The following PRELID2 variants were observed in gnomAD, a reference collection of about 807,000 sequenced individuals.
PRELID2 encodes the protein PRELI domain-containing protein 2.
PRELID2 carries 25 observed loss-of-function variants against 28.4 expected under a neutral mutation model. The ratio of observed to expected loss-of-function variants is 0.88; its 90% CI spans 0.64 to 1.23. The LOEUF (loss-of-function observed/expected upper bound fraction) is 1.23. PRELID2 is among the 50% of genes most tolerant of loss of function. The pLI is 0.00. For missense variants in PRELID2, 201 were observed against 214.4 expected, an observed-to-expected ratio of 0.94 and a Z score of 0.39; for synonymous variants, 76 against 71.6, an observed-to-expected ratio of 1.06 and a Z score of -0.31.
chr5:145,346,855 C>T, the PRELID2 span, among the ~76,000 whole-genome samples: 1 of 152,114 alleles, frequency 6.6e-6, no homozygotes, highest in African/African-American at 2.4e-5. Context: ...AAAGGAAGAA[C>T]ATCCATTTTA....
chr5:145,416,181 G>A, the PRELID2 span, among the ~76,000 whole-genome samples: 3 of 151,948 alleles, frequency 2.0e-5, no homozygotes, highest in Non-Finnish European at 4.4e-5. Context: ...CTGGATATTA[G>A]CCCTTTGTCA....
chr5:145,652,469 T>A (rs906642485), intron 1 of PRELID2, among the ~76,000 whole-genome samples: 4 of 152,038 alleles, frequency 2.6e-5, no homozygotes, highest in South Asian at 2.1e-4. Context: ...AAAGTTGCAA[T>A]GAAGGAAAAA....
At chr5:145,382,348 T>G in the PRELID2 span, among the ~76,000 whole-genome samples, 1 of 151,974 alleles carries the variant, frequency 6.6e-6, no homozygotes, top group Non-Finnish European at 1.5e-5. Context: ...AAATAGTTAA[T>G]CAATTAATAG....
the PRELID2 span, among the ~76,000 whole-genome samples, chr5:145,240,707 T>A: frequency 6.6e-6 from 1 of 152,042 alleles, no homozygotes; most frequent in Non-Finnish European, 1.5e-5. Flanking sequence ...AAATCCCATT[T>A]TAAAGGCTCC....
the PRELID2 span, among the ~76,000 whole-genome samples, chr5:145,275,823 C>T: frequency 3.4e-3 from 524 of 152,236 alleles, 1 homozygote; most frequent in African/African-American, 0.012. Context: ...CTGCCTCTAC[C>T]ACTTACCAGC....
intron 1 of PRELID2, among the ~76,000 whole-genome samples, chr5:145,676,389 A>C (rs1754818672): frequency 6.6e-6 from 1 of 151,998 alleles, no homozygotes; most frequent in South Asian, 2.1e-4. Context: ...AATACAAAAA[A>C]TTATCAAGGC....
chr5:145,683,487 G>T, intron 1 of PRELID2, among the ~76,000 whole-genome samples: 1 of 152,162 alleles, frequency 6.6e-6, no homozygotes, highest in Non-Finnish European at 1.5e-5. Context: ...ATGTCAGGAT[G>T]TTTGGTTTCT....
chr5:145,448,342 G>A, the PRELID2 span, among the ~76,000 whole-genome samples: 3 of 151,868 alleles, frequency 2.0e-5, no homozygotes, highest in Admixed American at 2.0e-4. Context: ...TTGTAAATTT[G>A]TTTGAGTTCA....
chr5:145,343,905 A>T, the PRELID2 span, among the ~76,000 whole-genome samples: 1 of 152,140 alleles, frequency 6.6e-6, no homozygotes, highest in South Asian at 2.1e-4. Flanking sequence ...ACAGACTGAA[A>T]ACCTAGGGGG....
intron 1 of PRELID2, among the ~76,000 whole-genome samples, chr5:145,720,489 G>T (rs933645549): frequency 1.3e-5 from 2 of 151,850 alleles, no homozygotes; most frequent in Non-Finnish European, 2.9e-5. Context: ...GTGAACCAAA[G>T]ATTTTATATT....
the PRELID2 span, among the ~76,000 whole-genome samples, chr5:145,272,758 T>C: frequency 1.3e-5 from 2 of 152,320 alleles, no homozygotes; most frequent in East Asian, 1.9e-4. Flanking sequence ...AGACCATTGA[T>C]AGATGATATC....
At position 145,822,760 on chromosome 5, in the gene PRELID2, C is replaced by A. The variant is rs150631564; in HGVS notation, c.133+317G>T. Among the ~76,000 whole-genome samples, 4 of 152,186 alleles carry A rather than the reference C, an allele frequency of 2.6e-5. No individual in the cohort carries two copies. In the East Asian group the frequency reaches 5.8e-4, roughly 22 times the overall value. On this transcript the variant is annotated intron_variant, in intron 2 of 6. Coordinates refer to ENST00000683046, the MANE Select transcript of PRELID2 (RefSeq NM_205846.3). ...TTAAATGAATTAATAAGAGTACCTGCCACATATTAAGTGCTCAAAAATGTT... is the reference window on the plus strand; with the variant it reads ...TTAAATGAATTAATAAGAGTACCTGACACATATTAAGTGCTCAAAAATGTT...
At chr5:145,470,479 A>C (rs1326475181), downstream of PRELID2, among the ~76,000 whole-genome samples, 1 of 151,214 alleles carries the variant, frequency 6.6e-6, no homozygotes, top group Non-Finnish European at 1.5e-5. Flanking sequence ...CTAGTTAGGT[A>C]ATTTTTATAA....
At chr5:145,718,014 G>A (rs138533601) in intron 1 of PRELID2, among the ~76,000 whole-genome samples, 44 of 152,070 alleles carry the variant, frequency 2.9e-4, no homozygotes, top group African/African-American at 1.0e-3. Context: ...CCTGGAGAGT[G>A]ACAGTAAGGA....
the PRELID2 span, among the ~76,000 whole-genome samples, chr5:145,234,956 G>A: frequency 9.9e-5 from 15 of 152,090 alleles, no homozygotes; most frequent in African/African-American, 2.4e-4. Flanking sequence ...GGTCCTCTTC[G>A]TGGATTTTGC....
chr5:145,665,987 A>T (rs72811544), intron 1 of PRELID2, among the ~76,000 whole-genome samples: 12,874 of 112,696 alleles, frequency 0.11, 584 homozygotes, highest in African/African-American at 0.17. Flanking sequence ...TCTTTTTTTT[A>T]AAAAAAAAAA....
the PRELID2 span, among the ~76,000 whole-genome samples, chr5:145,303,691 A>T: frequency 6.6e-6 from 1 of 152,328 alleles, no homozygotes; most frequent in East Asian, 1.9e-4. Context: ...GGTTCACCAA[A>T]ATTTAATTAA....
At chr5:145,435,335 C>T in the PRELID2 span, among the ~76,000 whole-genome samples, 1 of 152,090 alleles carries the variant, frequency 6.6e-6, no homozygotes, top group African/African-American at 2.4e-5. Flanking sequence ...AAGAGATGAT[C>T]TAGGTAGAGA....
chr5:145,604,384 T>C (rs1326499444), intron 1 of PRELID2, among the ~76,000 whole-genome samples: 1 of 152,000 alleles, frequency 6.6e-6, no homozygotes, highest in Non-Finnish European at 1.5e-5. Flanking sequence ...CTTAGGATAA[T>C]GGCCTCCAGT....
Sources: gnomAD v4.1 joint callset for allele counts (sites outside exome capture counted in the v4.1 genomes callset) on GRCh38, gnomAD v4.1.1 for gene constraint, MANE v1.5 for transcripts, NCBI Gene and HGNC (gene_info 2026-07-23, HGNC 2026-07-21) for gene names.